Variants in DENND1A observed in about 807,000 individuals in gnomAD.
DENND1A encodes the protein DENN domain containing 1A.
Under a neutral mutation model 113.7 loss-of-function variants are expected in DENND1A, and 51 were observed. That is an observed-to-expected ratio of 0.45 (90% CI 0.36 to 0.57). The LOEUF is 0.57. DENND1A is among the 20% of genes least tolerant of loss of function. The pLI is 0.00. For synonymous variants in DENND1A, 565 were observed against 570.8 expected, an observed-to-expected ratio of 0.99 and a Z score of 0.14; for missense variants, 1,258 against 1,395.9, an observed-to-expected ratio of 0.90 and a Z score of 1.57.
chr9:123,619,111 T>C (rs1390628629), intron 10 of DENND1A, among the ~76,000 whole-genome samples: 1 of 151,998 alleles, frequency 6.6e-6, no homozygotes, highest in Non-Finnish European at 1.5e-5. Flanking sequence ...CACGCCCAGC[T>C]AATTTTTGCA....
chr9:123,901,544 T>C (rs1246159121), intron 1 of DENND1A, among the ~76,000 whole-genome samples: 1 of 152,168 alleles, frequency 6.6e-6, no homozygotes, highest in Non-Finnish European at 1.5e-5. Context: ...ATAACCCATA[T>C]CAAAGCAATC....
At chr9:123,507,183 C>T (rs897126871) in intron 13 of DENND1A, among the ~76,000 whole-genome samples, 9 of 152,036 alleles carry the variant, frequency 5.9e-5, no homozygotes, top group African/African-American at 1.9e-4. Flanking sequence ...AGTGAGACTC[C>T]GTCTCAAAAA....
At chr9:123,508,539 A>G (rs2053168921) in intron 13 of DENND1A, among the ~76,000 whole-genome samples, 1 of 152,218 alleles carries the variant, frequency 6.6e-6, no homozygotes, top group South Asian at 2.1e-4. Flanking sequence ...TAATTGTGCC[A>G]TGATCTTTTG....
chr9:123,869,997 C>G (rs552171712), intron 2 of DENND1A, among the ~76,000 whole-genome samples: 1 of 120,588 alleles, frequency 8.3e-6, no homozygotes, highest in South Asian at 2.5e-4. Context: ...GAGCAAGACC[C>G]TGTCTCAAAA....
At chr9:123,517,638 A>G (rs1024231023) in intron 13 of DENND1A, among the ~76,000 whole-genome samples, 1 of 152,134 alleles carries the variant, frequency 6.6e-6, no homozygotes, top group African/African-American at 2.4e-5. Context: ...ACAGCAAAAC[A>G]AAACAAAACA....
intron 13 of DENND1A, among the ~76,000 whole-genome samples, chr9:123,539,340 T>C (rs1362088952): frequency 1.3e-5 from 2 of 151,920 alleles, no homozygotes; most frequent in Admixed American, 6.6e-5. Context: ...CACAAATAAA[T>C]TGTAAGTAAA....
At chr9:123,651,944 C>G in intron 9 of DENND1A, 69 bp downstream of exon 9, 1 of 1,409,644 alleles carries the variant, frequency 7.1e-7, no homozygotes, top group Non-Finnish European at 9.7e-7. Flanking sequence ...AATTTTCTTT[C>G]ATCTTGCTGG....
At chr9:123,421,324 C>T (rs190666722) in intron 19 of DENND1A, among the ~76,000 whole-genome samples, 27 of 152,064 alleles carry the variant, frequency 1.8e-4, no homozygotes, top group Admixed American at 5.9e-4. Flanking sequence ...TGCCCAGGCC[C>T]GGCCTGACAG....
chr9:123,519,918 G>A (rs1177670140), intron 13 of DENND1A, among the ~76,000 whole-genome samples: 1 of 152,166 alleles, frequency 6.6e-6, no homozygotes, highest in East Asian at 1.9e-4. Flanking sequence ...TCAGCACTTT[G>A]GGAGGCTGAG....
At chr9:123,657,295 C>T (rs1469144994) in intron 8 of DENND1A, among the ~76,000 whole-genome samples, 1 of 152,116 alleles carries the variant, frequency 6.6e-6, no homozygotes, top group East Asian at 1.9e-4. Flanking sequence ...ATAATGGCTG[C>T]TCCCTTCTAG....
intron 13 of DENND1A, among the ~76,000 whole-genome samples, chr9:123,475,225 G>A (rs1297311582): frequency 1.3e-5 from 2 of 152,130 alleles, no homozygotes; most frequent in Non-Finnish European, 2.9e-5. Flanking sequence ...TGTCATGTTG[G>A]CCAAGCTGGC....
At chr9:123,893,886 G>T (rs1850306269) in intron 1 of DENND1A, among the ~76,000 whole-genome samples, 1 of 152,102 alleles carries the variant, frequency 6.6e-6, no homozygotes, top group Admixed American at 6.5e-5. Flanking sequence ...ACAGTGCTTG[G>T]CAAGTAGTAG....
chr9:123,855,993 C>T lies in DENND1A; in HGVS notation c.88+22958G>A, dbSNP rs191726939. Among the ~76,000 whole-genome samples, 843 of 152,130 alleles carry T rather than the reference C, an allele frequency of 5.5e-3. 1 individual carries two copies. The highest frequency in any genetic ancestry group is 0.01 in the Middle Eastern group (3 of 294). On this transcript the variant is annotated intron_variant, in intron 2 of 23. Transcript: ENST00000394215. ...CGGAGGTTGCATTGAGCCGAGATCG[C>T]GCCATTGCACTCCAGCCTGGGCAAC...
At chr9:123,910,397 G>A (rs1853733378) in intron 1 of DENND1A, among the ~76,000 whole-genome samples, 1 of 152,008 alleles carries the variant, frequency 6.6e-6, no homozygotes, top group South Asian at 2.1e-4. Flanking sequence ...TAAGTCAAAT[G>A]GACAACCACA....
intron 9 of DENND1A, among the ~76,000 whole-genome samples, chr9:123,649,426 G>A (rs2062525698): frequency 6.6e-6 from 1 of 152,048 alleles, no homozygotes; most frequent in African/African-American, 2.4e-5. Context: ...TGAATGTCAA[G>A]GTTATACAAG....
At chr9:123,722,473 C>G (rs948941557) in intron 5 of DENND1A, among the ~76,000 whole-genome samples, 1 of 152,212 alleles carries the variant, frequency 6.6e-6, no homozygotes. Context: ...GTCTCCAAGG[C>G]ATGTCAGAGA....
intron 2 of DENND1A, among the ~76,000 whole-genome samples, chr9:123,845,797 T>C (rs553347727): frequency 2.0e-5 from 3 of 152,020 alleles, no homozygotes; most frequent in African/African-American, 7.2e-5. Flanking sequence ...AATAAATCAT[T>C]GTAACTTTAG....
intron 22 of DENND1A, 133 bp from the exon 23 acceptor site, chr9:123,384,046 T>C: frequency 8.2e-7 from 1 of 1,223,904 alleles, no homozygotes; most frequent in Non-Finnish European, 1.1e-6. Flanking sequence ...TGTCCCGGGG[T>C]CTCCGTGAGG....
At chr9:123,439,682 C>T (rs566211275) in intron 19 of DENND1A, 4 of 152,138 alleles carry the variant, frequency 2.6e-5, no homozygotes, top group African/African-American at 4.8e-5. Flanking sequence ...TGATGACTTT[C>T]GCTAACCAAA....
Sources: gnomAD v4.1 joint callset for allele counts (sites outside exome capture counted in the v4.1 genomes callset) on GRCh38, gnomAD v4.1.1 for gene constraint, MANE v1.5 for transcripts, NCBI Gene and HGNC (gene_info 2026-07-23, HGNC 2026-07-21) for gene names.